Variants in EIF3I observed in about 807,000 individuals in gnomAD.
EIF3I encodes the protein eukaryotic translation initiation factor 3 subunit I.
A neutral mutation model predicts 43.3 loss-of-function variants in EIF3I; 20 were observed. That is an observed-to-expected ratio of 0.46 (90% CI 0.32 to 0.67). The LOEUF is 0.67. Among genes scored for constraint, EIF3I ranks in the 30% least tolerant of loss-of-function variants. The pLI is 0.03. For missense variants in EIF3I, 279 were observed against 421.4 expected (o/e 0.66, Z 2.96); for synonymous variants, 167 against 151.7 (o/e 1.10, Z -0.74).
chr1:32,222,567 G>T (rs746693785), exon 2 of EIF3I: 1 of 1,614,166 alleles, frequency 6.2e-7, no homozygotes, highest in South Asian at 1.1e-5. Context: ...GCCATGAGCG[G>T]TCCATTACGC....
intron 7 of EIF3I, 40 bp downstream of exon 7, chr1:32,228,649 T>G: frequency 6.2e-7 from 1 of 1,606,850 alleles, no homozygotes; most frequent in South Asian, 1.1e-5. Flanking sequence ...GCTCCCTCCC[T>G]CCGGCTGCAC....
intron 4 of EIF3I, among the ~76,000 whole-genome samples, chr1:32,224,707 G>C (rs924771689): frequency 7.2e-6 from 1 of 139,130 alleles, no homozygotes; most frequent in African/African-American, 2.7e-5. Flanking sequence ...GAGTCTCACT[G>C]TCACCCAGGC....
chr1:32,235,521 A>G (rs937493135), downstream of EIF3I, among the ~76,000 whole-genome samples: 25 of 152,086 alleles, frequency 1.6e-4, no homozygotes, highest in Non-Finnish European at 3.2e-4. Flanking sequence ...AGGTTTCACC[A>G]TGTTGGCCAG....
chr1:32,224,618 A>C, intron 4 of EIF3I, 143 bp downstream of exon 4: 2 of 591,944 alleles, frequency 3.4e-6, no homozygotes, highest in Non-Finnish European at 6.0e-6. Flanking sequence ...GATAGATGAG[A>C]AAATACACGC....
intron 2 of EIF3I, 42 bp downstream of exon 2, chr1:32,222,672 T>C (rs1355145016): frequency 6.3e-7 from 1 of 1,591,706 alleles, no homozygotes; most frequent in Non-Finnish European, 8.6e-7. Context: ...GCGGGATCCT[T>C]CTGCCAGGAC....
chr1:32,229,586 T>C (rs1390518283), intron 9 of EIF3I, among the ~76,000 whole-genome samples: 1 of 129,012 alleles, frequency 7.8e-6, no homozygotes, highest in Admixed American at 8.5e-5. Context: ...AGTCTTGCTC[T>C]GTCACCCAGG....
exon 8 of EIF3I, chr1:32,228,760 A>C: frequency 6.2e-7 from 1 of 1,614,094 alleles, no homozygotes; most frequent in Non-Finnish European, 8.5e-7. Context: ...ACATCAGAAG[A>C]CTTTCCGGAC....
At chr1:32,226,970 C>CT (rs1299724417) in intron 6 of EIF3I, among the ~76,000 whole-genome samples, 1 of 150,922 alleles carries the variant, frequency 6.6e-6, no homozygotes, top group African/African-American at 2.4e-5. Context: ...GTAGCTGGGA[C>CT]TATAGGCACC....
chr1:32,224,438 A>G (rs760143742), exon 4 of EIF3I: 1 of 1,613,780 alleles, frequency 6.2e-7, no homozygotes, highest in Non-Finnish European at 8.5e-7. Flanking sequence ...TCACTGGCTC[A>G]GCTGACAACA....
At chr1:32,223,674 C>G (rs1430183169) in intron 2 of EIF3I, among the ~76,000 whole-genome samples, 2 of 152,188 alleles carry the variant, frequency 1.3e-5, no homozygotes, top group Non-Finnish European at 2.9e-5. Flanking sequence ...GAGCAGGCAC[C>G]AGAACCCAGA....
chr1:32,226,566 AAT>A, intron 6 of EIF3I, 36 bp downstream of exon 6: 2 of 1,402,618 alleles, frequency 1.4e-6, no homozygotes, highest in African/African-American at 1.6e-5. Flanking sequence ...CTACCAGAAT[AAT>A]TTTTTTTTTT....
At chr1:32,227,245 C>T (rs1400157317) in intron 6 of EIF3I, among the ~76,000 whole-genome samples, 1 of 143,760 alleles carries the variant, frequency 7.0e-6, no homozygotes, top group Non-Finnish European at 1.5e-5. Flanking sequence ...CCACTGCACT[C>T]CAGCCTGGGT....
downstream of EIF3I, chr1:32,234,771 G>A (rs1201349746): frequency 6.6e-6 from 1 of 152,324 alleles, no homozygotes; most frequent in Admixed American, 6.5e-5. Context: ...AGGGGTCCAG[G>A]ATGAGTTGGG....
downstream of EIF3I, chr1:32,235,011 T>C (rs1466426253): frequency 2.0e-5 from 3 of 152,888 alleles, no homozygotes; most frequent in Non-Finnish European, 4.4e-5. Flanking sequence ...CATGTTACAG[T>C]CAGCGGCAGC....
chr1:32,234,904 G>C (rs2124273907), downstream of EIF3I: 1 of 152,762 alleles, frequency 6.5e-6, no homozygotes, highest in South Asian at 2.1e-4. Context: ...TCCAGGGGTT[G>C]AGAGCCCTGC....
Position 32,224,385 on chromosome 1 carries a change from G to A in EIF3I, c.185-25G>A, listed in dbSNP as rs147343116. 1.7e-4 allele frequency: 267 copies of A among 1,608,098 alleles called. 1 individual carries two copies. In the African/African-American group the frequency reaches 2.7e-3, roughly 16 times the overall value. ...GAGGACAAGGGCTCGGGTGAACTTC[G>A]TCATATTTCTTAACAACTCTTCAGG... On this transcript the variant is annotated intron_variant, in intron 3 of 11. Transcript: ENST00000676679.
intron 4 of EIF3I, among the ~76,000 whole-genome samples, 183 bp downstream of exon 4, chr1:32,224,658 C>CTTTTTTTT (rs58586351): frequency 2.3e-4 from 31 of 136,324 alleles, no homozygotes; most frequent in Middle Eastern, 3.7e-3. Context: ...ATTAAGTTTT[C>CTTTTTTTT]TTTTTTTTTT....
chr1:32,235,069 CA>C (rs2124274090), downstream of EIF3I: 1 of 152,986 alleles, frequency 6.5e-6, no homozygotes, highest in East Asian at 1.9e-4. Context: ...CGAGTCCCCA[CA>C]GGCCTCCACC....
At chr1:32,225,970 C>T in intron 4 of EIF3I, among the ~76,000 whole-genome samples, 1 of 151,804 alleles carries the variant, frequency 6.6e-6, no homozygotes, top group African/African-American at 2.4e-5. Flanking sequence ...GCAGTGAGAG[C>T]CGAGATTGCA....
Sources: gnomAD v4.1 joint callset for allele counts (sites outside exome capture counted in the v4.1 genomes callset) on GRCh38, gnomAD v4.1.1 for gene constraint, MANE v1.5 for transcripts, NCBI Gene and HGNC (gene_info 2026-07-23, HGNC 2026-07-21) for gene names.